NETO1: variants seen among roughly 807,000 people sequenced by gnomAD.
NETO1 encodes the protein neuropilin and tolloid like 1, also known as neuropilin and tolloid-like protein 1.
NETO1 carries 26 observed loss-of-function variants against 61.3 expected under a neutral mutation model. That is an observed-to-expected ratio of 0.42 (90% CI 0.31 to 0.59). The LOEUF is 0.59. Ranked by LOEUF, NETO1 falls within the 20% of genes least tolerant of loss-of-function variation. NETO1 has a pLI of 0.12. For missense variants in NETO1, 531 were observed against 662.8 expected (o/e 0.80, Z 2.18); for synonymous variants, 225 against 225.8 (o/e 1.00, Z 0.03).
Position 72,867,420 on chromosome 18 carries a change from G to T in NETO1, c.-129C>A. 5 of 571,132 alleles carry T rather than the reference G, an allele frequency of 8.8e-6. No individual in the cohort carries two copies. Among genetic ancestry groups the T allele is most frequent in the Non-Finnish European group, 1.4e-5 (5 of 349,742 alleles). 35.4% of individuals were successfully genotyped at this position (571,132 alleles called of 1,614,324 possible). A position where few individuals can be genotyped will look rare whatever the true frequency, so the allele number is the denominator to read the frequency against. ...CAAAGCAAGAAGGAAATAAAGGGGG[G>T]CCGAGAGGGAGACCGAGAGGAAGGG... On this transcript the variant is annotated 5_prime_UTR_variant, in exon 1 of 11. Transcript: ENST00000327305.
chr18:72,799,866 T>G (rs900138210), intron 4 of NETO1, among the ~76,000 whole-genome samples: 3 of 152,232 alleles, frequency 2.0e-5, no homozygotes, highest in Non-Finnish European at 4.4e-5. Flanking sequence ...GTAACACAGA[T>G]TCAGTTACAA....
chr18:72,778,266 C>T (rs1010384308), intron 7 of NETO1, among the ~76,000 whole-genome samples: 1 of 152,184 alleles, frequency 6.6e-6, no homozygotes, highest in African/African-American at 2.4e-5. Context: ...GTCCTGATTT[C>T]CACCGAGTTG....
chr18:72,805,283 T>C (rs892946544), intron 4 of NETO1, among the ~76,000 whole-genome samples: 1 of 152,146 alleles, frequency 6.6e-6, no homozygotes, highest in African/African-American at 2.4e-5. Context: ...AATTTTCCTA[T>C]AATACAAACT....
At chr18:72,852,540 A>G (rs182641987) in intron 4 of NETO1, among the ~76,000 whole-genome samples, 1 of 152,086 alleles carries the variant, frequency 6.6e-6, no homozygotes, top group African/African-American at 2.4e-5. Flanking sequence ...TTTATGGGAA[A>G]CTTCTTAAAA....
intron 7 of NETO1, among the ~76,000 whole-genome samples, chr18:72,780,288 C>A (rs973103658): frequency 6.6e-5 from 10 of 152,134 alleles, no homozygotes; most frequent in African/African-American, 2.2e-4. Flanking sequence ...GGGATGGGTG[C>A]CTCTGTAGGA....
intron 4 of NETO1, among the ~76,000 whole-genome samples, chr18:72,838,743 T>A (rs775589783): frequency 7.9e-5 from 12 of 152,320 alleles, no homozygotes; most frequent in Non-Finnish European, 1.6e-4. Flanking sequence ...TCTAAGACTT[T>A]GTAAATTTCA....
At chr18:72,797,522 T>C (rs2072358516) in intron 4 of NETO1, among the ~76,000 whole-genome samples, 2 of 152,164 alleles carry the variant, frequency 1.3e-5, no homozygotes, top group Non-Finnish European at 2.9e-5. Context: ...CCAAGGTTGT[T>C]TGTGGATGAG....
intron 4 of NETO1, among the ~76,000 whole-genome samples, chr18:72,853,928 T>C (rs988651730): frequency 1.4e-5 from 2 of 145,326 alleles, no homozygotes; most frequent in South Asian, 2.3e-4. Flanking sequence ...TAAGAAAATT[T>C]AGAAACTTTC....
intron 7 of NETO1, among the ~76,000 whole-genome samples, chr18:72,772,528 G>A (rs2071385106): frequency 1.3e-5 from 2 of 151,986 alleles, no homozygotes; most frequent in South Asian, 4.2e-4. Flanking sequence ...CAACACAGTG[G>A]TGGGAGAGGC....
chr18:72,808,240 C>T (rs1599040982), intron 4 of NETO1, among the ~76,000 whole-genome samples: 1 of 152,162 alleles, frequency 6.6e-6, no homozygotes, highest in African/African-American at 2.4e-5. Context: ...TAGACTGGGG[C>T]TGAGCTTTTA....
At chr18:72,816,507 G>C (rs2073037565) in intron 4 of NETO1, among the ~76,000 whole-genome samples, 1 of 152,088 alleles carries the variant, frequency 6.6e-6, no homozygotes, top group African/African-American at 2.4e-5. Flanking sequence ...CCTGCAACAT[G>C]GGCCATTTGG....
At chr18:72,787,531 G>A (rs1171575359) in intron 6 of NETO1, among the ~76,000 whole-genome samples, 1 of 152,080 alleles carries the variant, frequency 6.6e-6, no homozygotes, top group Non-Finnish European at 1.5e-5. Flanking sequence ...TTCTAACATT[G>A]CATGTAGAAA....
chr18:72,786,619 CTTTGT>C lies in NETO1; in HGVS notation c.640-2718_640-2714del, dbSNP rs1420080192. 5.3e-5 allele frequency among the ~76,000 whole-genome samples: 8 copies of C among 152,194 alleles called. No individual in the cohort carries two copies. In the East Asian group the frequency reaches 1.4e-3, roughly 26 times the overall value. The stretch of plus-strand genomic sequence containing the variant: ...CATTTTCGGTATGCCCAGGTTATTC[CTTTGT>C]TTTATTTTATCTAAAACTCAGATAT... On this transcript the variant is annotated intron_variant, in intron 6 of 10. Coordinates refer to ENST00000327305, the MANE Select transcript of NETO1 (RefSeq NM_138966.5).
chr18:72,768,154 TA>T (rs1242675420), intron 7 of NETO1, among the ~76,000 whole-genome samples: 2 of 152,226 alleles, frequency 1.3e-5, no homozygotes, highest in Non-Finnish European at 2.9e-5. Context: ...ATTCTGGTTC[TA>T]AAAACGTTTA....
chr18:72,856,404 C>A (rs115426251), intron 4 of NETO1, among the ~76,000 whole-genome samples: 1 of 152,140 alleles, frequency 6.6e-6, no homozygotes, highest in African/African-American at 2.4e-5. Context: ...GTCTGAGACA[C>A]TTGTTTTCCC....
At chr18:72,852,339 C>T (rs367553583) in intron 4 of NETO1, among the ~76,000 whole-genome samples, 9 of 152,118 alleles carry the variant, frequency 5.9e-5, no homozygotes, top group East Asian at 3.9e-4. Flanking sequence ...CTCAGCCTCC[C>T]GAGTAGCTGG....
At chr18:72,815,150 T>G (rs145771129) in intron 4 of NETO1, among the ~76,000 whole-genome samples, 2 of 152,122 alleles carry the variant, frequency 1.3e-5, no homozygotes, top group Admixed American at 6.5e-5. Context: ...TTCATGTGTT[T>G]AAAGAACGGA....
intron 4 of NETO1, among the ~76,000 whole-genome samples, chr18:72,823,550 G>A (rs1426424079): frequency 1.3e-5 from 2 of 152,068 alleles, no homozygotes; most frequent in Admixed American, 1.3e-4. Context: ...AGTGAACCCC[G>A]AGTGGCCGCG....
chr18:72,821,121 A>C (rs1480003544), intron 4 of NETO1, among the ~76,000 whole-genome samples: 1 of 151,270 alleles, frequency 6.6e-6, no homozygotes, highest in Non-Finnish European at 1.5e-5. Flanking sequence ...TCAGCTTCCT[A>C]ATCTTGGAAC....
Sources: gnomAD v4.1 joint callset for allele counts (sites outside exome capture counted in the v4.1 genomes callset) on GRCh38, gnomAD v4.1.1 for gene constraint, MANE v1.5 for transcripts, NCBI Gene and HGNC (gene_info 2026-07-23, HGNC 2026-07-21) for gene names.